NDRG1: variants seen among roughly 807,000 people sequenced by gnomAD.
NDRG1 encodes N-myc downstream regulated 1.
A neutral mutation model predicts 56.9 loss-of-function variants in NDRG1; 32 were observed. The observed-to-expected ratio is 0.56, with a 90% CI of 0.42 to 0.76. The LOEUF (loss-of-function observed/expected upper bound fraction) is 0.76. NDRG1 is among the 30% of genes least tolerant of loss of function. NDRG1 has a pLI of 0.00. For missense variants in NDRG1, 507 were observed against 545.7 expected (o/e 0.93, Z 0.71); for synonymous variants, 211 against 204.1 (o/e 1.03, Z -0.29).
At chr8:133,270,547 A>G (rs1857138052) in intron 3 of NDRG1, among the ~76,000 whole-genome samples, 1 of 152,128 alleles carries the variant, frequency 6.6e-6, no homozygotes, top group Non-Finnish European at 1.5e-5. Context: ...TTTTTTAAAA[A>G]GGGTCAAACT....
At chr8:133,277,522 G>A (rs1857518344) in intron 3 of NDRG1, among the ~76,000 whole-genome samples, 1 of 152,106 alleles carries the variant, frequency 6.6e-6, no homozygotes, top group African/African-American at 2.4e-5. Context: ...AGCCAAGATC[G>A]CACCACTACA....
Position 133,238,188 on chromosome 8 carries a change from G to A in NDRG1, c.*690C>T, listed in dbSNP as rs1855165204. On this transcript the variant is annotated 3_prime_UTR_variant, in exon 16 of 16. Coordinates refer to ENST00000323851, the MANE Select transcript of NDRG1 (RefSeq NM_006096.4). The stretch of plus-strand genomic sequence containing the variant: ...GTCTGTAAAGCCAGGAGATTTTGTC[G>A]CCTGCTTTTGCTGCACATTAAGAGG... 1.3e-5 allele frequency: 3 copies of A among 232,736 alleles called. No homozygotes were observed. Among genetic ancestry groups the A allele is most frequent in the Non-Finnish European group, 2.5e-5 (3 of 117,764 alleles). The allele number at this position is 232,736 out of a possible 1,614,324, so 14.4% of individuals were successfully genotyped here.
chr8:133,266,168 C>T (rs1333935598), intron 3 of NDRG1, among the ~76,000 whole-genome samples: 1 of 152,260 alleles, frequency 6.6e-6, no homozygotes. Flanking sequence ...AGCACAGAGG[C>T]AGGTCCCCCA....
chr8:133,264,956 A>G (rs1402118213), intron 3 of NDRG1: 1 of 432,278 alleles, frequency 2.3e-6, no homozygotes, highest in Non-Finnish European at 4.3e-6. Context: ...CTCCATCTGG[A>G]AAACAGGCCA....
At chr8:133,252,015 C>G (rs1397510692) in intron 9 of NDRG1, among the ~76,000 whole-genome samples, 1 of 152,220 alleles carries the variant, frequency 6.6e-6, no homozygotes, top group African/African-American at 2.4e-5. Context: ...TCCCCTGGAG[C>G]CTGTGGCGGA....
At chr8:133,284,372 G>T (rs751338468) in intron 1 of NDRG1, 43 bp from the exon 2 acceptor site, 3 of 1,597,178 alleles carry the variant, frequency 1.9e-6, no homozygotes, top group South Asian at 1.1e-5. Context: ...TTCCTGCTGA[G>T]AGGTTTCCTA....
intron 1 of NDRG1, among the ~76,000 whole-genome samples, chr8:133,286,556 A>T (rs1291277449): frequency 6.6e-6 from 1 of 152,210 alleles, no homozygotes; most frequent in Non-Finnish European, 1.5e-5. Flanking sequence ...GGGTTAAAAA[A>T]ATCGCTGTGT....
chr8:133,261,937 G>T, intron 5 of NDRG1, 110 bp downstream of exon 5: 1 of 1,407,986 alleles, frequency 7.1e-7, no homozygotes. Context: ...AAGATGATAC[G>T]TTTTATATTT....
intron 4 of NDRG1, 182 bp from the exon 5 acceptor site, chr8:133,262,349 GC>G: frequency 1.5e-6 from 1 of 687,226 alleles, no homozygotes. Flanking sequence ...ACTTTCCTCT[GC>G]TGATAAAAAG....
At chr8:133,239,437 C>G in intron 15 of NDRG1, 1 of 538,350 alleles carries the variant, frequency 1.9e-6, no homozygotes, top group Non-Finnish European at 3.4e-6. Context: ...CTGTTCCCAT[C>G]TGTAAAGCAA....
At chr8:133,247,173 A>C in intron 12 of NDRG1, among the ~76,000 whole-genome samples, 1 of 152,248 alleles carries the variant, frequency 6.6e-6, no homozygotes, top group East Asian at 1.9e-4. Context: ...AAATGCTTAA[A>C]GTAAAACTAT....
intron 5 of NDRG1, among the ~76,000 whole-genome samples, chr8:133,261,782 G>A (rs1236905887): frequency 6.6e-6 from 1 of 152,168 alleles, no homozygotes; most frequent in Non-Finnish European, 1.5e-5. Context: ...AGTTTGGGAA[G>A]ATGAAAAAGT....
At chr8:133,242,555 A>G (rs1448259797) in intron 14 of NDRG1, among the ~76,000 whole-genome samples, 1 of 152,184 alleles carries the variant, frequency 6.6e-6, no homozygotes. Flanking sequence ...AGGGTCCCAC[A>G]ACAAGTAAGT....
intron 9 of NDRG1, 81 bp downstream of exon 9, chr8:133,254,458 C>T: frequency 1.3e-6 from 2 of 1,481,488 alleles, no homozygotes; most frequent in African/African-American, 1.4e-5. Flanking sequence ...TTCTCTCCAC[C>T]CCCACATGGG....
intron 2 of NDRG1, among the ~76,000 whole-genome samples, chr8:133,281,226 G>A (rs960696314): frequency 3.9e-5 from 6 of 151,974 alleles, no homozygotes; most frequent in Admixed American, 3.9e-4. Context: ...GCATGATGGC[G>A]CATGCCTGTA....
chr8:133,265,393 G>T (rs1007700307), intron 3 of NDRG1, among the ~76,000 whole-genome samples: 5 of 152,214 alleles, frequency 3.3e-5, no homozygotes, highest in African/African-American at 9.7e-5. Context: ...GGCCAGCCCA[G>T]GGATGGAAAA....
intron 1 of NDRG1, among the ~76,000 whole-genome samples, chr8:133,290,320 G>A (rs1858361384): frequency 6.6e-6 from 1 of 152,128 alleles, no homozygotes; most frequent in Admixed American, 6.5e-5. Context: ...ACCCTACACA[G>A]ACACACCACA....
intron 2 of NDRG1, 91 bp from the exon 3 acceptor site, chr8:133,280,358 T>C (rs1417911092): frequency 3.3e-6 from 4 of 1,214,710 alleles, no homozygotes; most frequent in African/African-American, 3.0e-5. Flanking sequence ...ATGACCTGAA[T>C]CTGTACCTAC....
chr8:133,244,903 C>A (rs547088368), intron 13 of NDRG1, among the ~76,000 whole-genome samples: 11 of 152,346 alleles, frequency 7.2e-5, no homozygotes, highest in Admixed American at 3.9e-4. Context: ...CCTGTGAAAT[C>A]ACCGAACCGC....
Sources: allele counts gnomAD v4.1 joint callset (sites outside exome capture counted in the v4.1 genomes callset), GRCh38; gene constraint gnomAD v4.1.1; transcripts MANE v1.5; gene names NCBI Gene and HGNC (gene_info 2026-07-23, HGNC 2026-07-21).